The following C5orf63 variants were observed in gnomAD, a reference collection of about 807,000 sequenced individuals.
C5orf63 encodes the protein glutaredoxin-like protein C5orf63.
A neutral mutation model predicts 13.3 loss-of-function variants in C5orf63; 18 were observed. The ratio of observed to expected loss-of-function variants is 1.36; its 90% CI spans 0.94 to 2.01. The LOEUF (loss-of-function observed/expected upper bound fraction) is 2.01, where lower values mean the gene tolerates loss of function less well. Among genes scored for constraint, C5orf63 ranks in the 30% most tolerant of loss-of-function variants. The pLI is 0.00. For synonymous variants in C5orf63, 38 were observed against 44.7 expected, an observed-to-expected ratio of 0.85 and a Z score of 0.60; for missense variants, 118 against 127.7, an observed-to-expected ratio of 0.92 and a Z score of 0.36.
At chr5:127,057,249 CA>C (rs1753919244) in intron 3 of C5orf63, among the ~76,000 whole-genome samples, 1 of 152,112 alleles carries the variant, frequency 6.6e-6, no homozygotes, top group Admixed American at 6.5e-5. Flanking sequence ...TTTTAAAACT[CA>C]TTAAACTTTG....
chr5:127,073,280 A>C (rs1413338876), intron 1 of C5orf63, 171 bp downstream of exon 1: 2 of 152,030 alleles, frequency 1.3e-5, no homozygotes, highest in Non-Finnish European at 2.9e-5. Flanking sequence ...ACGCGTTTAT[A>C]ATCTCCCCCA....
At chr5:127,069,729 C>T (rs964298113) in intron 2 of C5orf63, among the ~76,000 whole-genome samples, 10 of 152,254 alleles carry the variant, frequency 6.6e-5, no homozygotes, top group African/African-American at 1.9e-4. Flanking sequence ...TAGGCTGTGG[C>T]ATCCCTCAGT....
downstream of C5orf63, among the ~76,000 whole-genome samples, chr5:127,050,374 TCTCA>T (rs1411426830): frequency 6.6e-6 from 1 of 152,094 alleles, no homozygotes; most frequent in Admixed American, 6.5e-5. Context: ...AGAGACACAG[TCTCA>T]CTATGTTGCT....
intron 2 of C5orf63, among the ~76,000 whole-genome samples, chr5:127,061,807 C>A (rs1754118460): frequency 6.6e-6 from 1 of 152,030 alleles, no homozygotes; most frequent in South Asian, 2.1e-4. Context: ...GGTGACACAC[C>A]CTTCTAAGAG....
At position 127,052,684 on chromosome 5, in the gene C5orf63, A is replaced by G; in HGVS notation, c.115-15T>C. 2 of 1,478,030 alleles carry G rather than the reference A, an allele frequency of 1.4e-6. No homozygotes were observed. Among genetic ancestry groups the G allele is most frequent in the Non-Finnish European group, 1.8e-6 (2 of 1,126,164 alleles). The allele number at this position is 1,478,030 out of a possible 1,614,324, so 91.6% of individuals were successfully genotyped here. ...GGGCATGGGTCCTACAGGAAGAAAA[A>G]AAACCCAAGCGATTAAACCCAAAGA... On this transcript the variant is annotated splice_polypyrimidine_tract_variant and intron_variant, in intron 3 of 4. Coordinates refer to ENST00000296662, the MANE Select transcript of C5orf63 (RefSeq NM_001164478.2).
intron 2 of C5orf63, among the ~76,000 whole-genome samples, chr5:127,070,007 T>C (rs190909568): frequency 6.6e-6 from 1 of 152,286 alleles, no homozygotes; most frequent in Non-Finnish European, 1.5e-5. Context: ...ATCCTCTTTC[T>C]TCCCAAAAAA....
downstream of C5orf63, chr5:127,043,739 T>G (rs955361676): frequency 6.6e-6 from 1 of 152,226 alleles, no homozygotes; most frequent in African/African-American, 2.4e-5. Flanking sequence ...CAATGCCCAT[T>G]TTCTCTTTGT....
In C5orf63 at chr5:127,051,356, T is replaced by A. The variant is rs1753666189; in HGVS notation, c.*415A>T. The A allele has an allele frequency of 9.7e-6, 12 of 1,231,724 alleles. No homozygotes were observed. The highest frequency in any genetic ancestry group is 4.2e-5 in the Admixed American group (1 of 23,818). 76.3% of individuals were successfully genotyped at this position (1,231,724 alleles called of 1,614,324 possible). ...CGTGCACAGTTATTAACAATTCACA[T>A]TTCACTTTATCTACTGAGTGGAAGA... On this transcript the variant is annotated 3_prime_UTR_variant, in exon 5 of 5. Coordinates refer to ENST00000296662, the MANE Select transcript of C5orf63 (RefSeq NM_001164478.2).
downstream of C5orf63, chr5:127,044,762 T>C (rs1009584553): frequency 1.3e-5 from 2 of 148,506 alleles, no homozygotes; most frequent in African/African-American, 2.5e-5. Context: ...GGCTACCTCA[T>C]TCTATGCTTT....
chr5:127,060,051 T>G (rs1326383733), intron 2 of C5orf63, among the ~76,000 whole-genome samples: 1 of 151,994 alleles, frequency 6.6e-6, no homozygotes, highest in Non-Finnish European at 1.5e-5. Flanking sequence ...GGCAGGAGAA[T>G]TGCTTGAATC....
downstream of C5orf63, chr5:127,048,053 G>A: frequency 1.8e-6 from 1 of 566,286 alleles, no homozygotes; most frequent in South Asian, 2.4e-5. Context: ...GTTATTGGGA[G>A]ACTGTACCAA....
chr5:127,065,875 G>A (rs569874175), intron 2 of C5orf63, among the ~76,000 whole-genome samples: 1 of 152,202 alleles, frequency 6.6e-6, no homozygotes, highest in Admixed American at 6.5e-5. Flanking sequence ...ACTATTATAG[G>A]TGTTGGGGTA....
At chr5:127,069,819 A>G (rs905041739) in intron 2 of C5orf63, among the ~76,000 whole-genome samples, 1 of 152,082 alleles carries the variant, frequency 6.6e-6, no homozygotes, top group Non-Finnish European at 1.5e-5. Context: ...AATGTTTTGG[A>G]ACTGGAAGTG....
At chr5:127,053,771 T>C (rs1248097596) in intron 3 of C5orf63, among the ~76,000 whole-genome samples, 1 of 152,236 alleles carries the variant, frequency 6.6e-6, no homozygotes, top group Non-Finnish European at 1.5e-5. Context: ...ACTCATCCTT[T>C]TTTATGGCTG....
intron 3 of C5orf63, among the ~76,000 whole-genome samples, chr5:127,054,861 T>C (rs1285525367): frequency 1.3e-5 from 2 of 152,244 alleles, no homozygotes; most frequent in Non-Finnish European, 2.9e-5. Context: ...AGGGTTTTTA[T>C]GGTTTTAAGT....
Position 127,054,216 on chromosome 5 carries a change from C to T in C5orf63, c.115-1547G>A, listed in dbSNP as rs563264331. On this transcript the variant is annotated intron_variant, in intron 3 of 4. Coordinates refer to ENST00000296662, the MANE Select transcript of C5orf63 (RefSeq NM_001164478.2). The stretch of plus-strand genomic sequence containing the variant: ...TCCACAGAAGTCTATGCAAATTATA[C>T]CTGAAAATATGTGTATATATTTTTA... Among the ~76,000 whole-genome samples, 10 of 152,026 alleles carry T rather than the reference C, an allele frequency of 6.6e-5. No individual in the cohort carries two copies. The East Asian group carries it at 1.9e-3, about 29-fold the overall frequency.
chr5:127,061,191 A>G (rs1355475958), intron 2 of C5orf63, among the ~76,000 whole-genome samples: 3 of 152,088 alleles, frequency 2.0e-5, no homozygotes, highest in Admixed American at 1.3e-4. Context: ...CTCCTTCACC[A>G]CCACCTCAAA....
downstream of C5orf63, chr5:127,046,761 A>G (rs181602995): frequency 1.3e-5 from 2 of 152,348 alleles, no homozygotes; most frequent in East Asian, 3.9e-4. Flanking sequence ...GGATTTCAGA[A>G]TAGAGAAGCC....
chr5:127,048,439 G>A (rs1290391305), downstream of C5orf63, among the ~76,000 whole-genome samples: 3 of 152,040 alleles, frequency 2.0e-5, no homozygotes, highest in South Asian at 4.1e-4. Flanking sequence ...ACATACATTC[G>A]CTTTCCAGTG....
Sources: gnomAD v4.1 joint callset for allele counts (sites outside exome capture counted in the v4.1 genomes callset) on GRCh38, gnomAD v4.1.1 for gene constraint, MANE v1.5 for transcripts, NCBI Gene and HGNC (gene_info 2026-07-23, HGNC 2026-07-21) for gene names.